The following SPAG16 variants were observed in gnomAD, a reference collection of about 807,000 sequenced individuals.
SPAG16 encodes the protein sperm-associated antigen 16 protein.
Under a neutral mutation model 80.4 loss-of-function variants are expected in SPAG16, and 86 were observed. The ratio of observed to expected loss-of-function variants is 1.07; its 90% CI spans 0.90 to 1.28. The LOEUF is 1.28. SPAG16 is among the 50% of genes most tolerant of loss of function. The pLI is 0.00. For missense variants in SPAG16, 870 were observed against 765.3 expected (o/e 1.14, Z -1.61); for synonymous variants, 294 against 265.9 (o/e 1.11, Z -1.03).
intron 15 of SPAG16, among the ~76,000 whole-genome samples, chr2:214,370,204 A>T: frequency 6.6e-6 from 1 of 152,084 alleles, no homozygotes; most frequent in East Asian, 1.9e-4. Flanking sequence ...TTCCACCACA[A>T]ATCTCTCCAT....
chr2:214,384,850 G>A (rs1243883668), intron 15 of SPAG16, among the ~76,000 whole-genome samples: 1 of 152,172 alleles, frequency 6.6e-6, no homozygotes, highest in Non-Finnish European at 1.5e-5. Flanking sequence ...ATACTATTGA[G>A]TCACTCGTCT....
intron 13 of SPAG16, among the ~76,000 whole-genome samples, chr2:214,018,152 TTCTACAAGTGAAATACGA>T (rs1375272812): frequency 2.6e-5 from 4 of 152,062 alleles, no homozygotes; most frequent in Admixed American, 1.3e-4. Context: ...TGATATAAAA[TTCTACAAGTGAAATACGA>T]TAATCCAAAA....
chr2:213,480,425 C>G (rs985085098), intron 9 of SPAG16, among the ~76,000 whole-genome samples: 2 of 152,196 alleles, frequency 1.3e-5, no homozygotes, highest in Non-Finnish European at 2.9e-5. Flanking sequence ...CAGATTAAAG[C>G]AGGGAAGAGA....
chr2:213,407,208 C>T (rs983391086), intron 9 of SPAG16, among the ~76,000 whole-genome samples: 5 of 152,076 alleles, frequency 3.3e-5, no homozygotes, highest in East Asian at 1.9e-4. Context: ...TCTACCTTGG[C>T]GGAGCGGCCA....
At chr2:213,834,645 G>C (rs1373116466) in intron 10 of SPAG16, among the ~76,000 whole-genome samples, 1 of 152,120 alleles carries the variant, frequency 6.6e-6, no homozygotes, top group Non-Finnish European at 1.5e-5. Context: ...CCTCAGGAGA[G>C]AGGAATTCTG....
intron 15 of SPAG16, among the ~76,000 whole-genome samples, chr2:214,309,927 G>A (rs942867938): frequency 2.0e-5 from 3 of 152,162 alleles, no homozygotes; most frequent in Non-Finnish European, 4.4e-5. Context: ...TTGCACTAGA[G>A]GTGATGTTGG....
At chr2:213,394,175 A>G (rs1321492423) in intron 9 of SPAG16, among the ~76,000 whole-genome samples, 1 of 152,054 alleles carries the variant, frequency 6.6e-6, no homozygotes, top group Non-Finnish European at 1.5e-5. Context: ...CTATGTTCAT[A>G]TCTTTTTTAG....
intron 10 of SPAG16, among the ~76,000 whole-genome samples, chr2:213,508,197 C>A (rs2075050274): frequency 6.6e-6 from 1 of 152,188 alleles, no homozygotes; most frequent in South Asian, 2.1e-4. Flanking sequence ...AGACTTGGAT[C>A]CAAGCCAAAT....
chr2:213,702,304 C>T (rs549094729), intron 10 of SPAG16, among the ~76,000 whole-genome samples: 1 of 152,218 alleles, frequency 6.6e-6, no homozygotes, highest in Non-Finnish European at 1.5e-5. Flanking sequence ...CCCGAGCCAG[C>T]TGCGGCAACC....
In SPAG16 at chr2:214,275,806, G is replaced by T. The variant is rs183549091; in HGVS notation, c.1720+126540G>T. 1.8e-3 allele frequency among the ~76,000 whole-genome samples: 269 copies of T among 152,232 alleles called. 7 individuals carry two copies. Among genetic ancestry groups the T allele is most frequent in the Admixed American group, 0.017 (254 of 15,294 alleles). On this transcript the variant is annotated intron_variant, in intron 15 of 15. Transcript: ENST00000331683. ...TAGAGAGTTCTGTAGATGTCTATTA[G>T]GTCCACTTGGTGCAAAGCTGAGTTC...
chr2:214,401,867 G>C (rs543325764), intron 15 of SPAG16, among the ~76,000 whole-genome samples: 1 of 151,892 alleles, frequency 6.6e-6, no homozygotes, highest in Non-Finnish European at 1.5e-5. Flanking sequence ...TATGTGTTAC[G>C]TGTTTAGACA....
chr2:214,049,124 T>C (rs2049501580), intron 13 of SPAG16, among the ~76,000 whole-genome samples: 1 of 152,138 alleles, frequency 6.6e-6, no homozygotes, highest in South Asian at 2.1e-4. Flanking sequence ...TTTCTAGAGA[T>C]GAGGTCTACT....
intron 9 of SPAG16, among the ~76,000 whole-genome samples, chr2:213,406,928 C>G (rs140565903): frequency 7.7e-6 from 1 of 130,438 alleles, no homozygotes; most frequent in Admixed American, 8.0e-5. Context: ...CTCTCAGCGA[C>G]GCGGATTTAA....
At chr2:213,759,335 A>ATG (rs1468425641) in intron 10 of SPAG16, among the ~76,000 whole-genome samples, 1 of 152,026 alleles carries the variant, frequency 6.6e-6, no homozygotes, top group Non-Finnish European at 1.5e-5. Flanking sequence ...AGGTTAATAT[A>ATG]TATATATTTA....
intron 13 of SPAG16, 34 bp from the exon 14 acceptor site, chr2:214,108,162 T>G (rs562442916): frequency 6.6e-7 from 1 of 1,509,926 alleles, no homozygotes; most frequent in African/African-American, 1.4e-5. Flanking sequence ...CCAAAAGAAA[T>G]TTATTTGACT....
intron 10 of SPAG16, among the ~76,000 whole-genome samples, chr2:213,654,540 C>CAAAAAAA (rs36009811): frequency 5.3e-5 from 3 of 56,734 alleles, no homozygotes; most frequent in Non-Finnish European, 6.9e-5. Flanking sequence ...ACTAAAAATA[C>CAAAAAAA]AAAAAAAAAA....
chr2:214,295,651 C>T (rs780197992), intron 15 of SPAG16, among the ~76,000 whole-genome samples: 8 of 152,012 alleles, frequency 5.3e-5, no homozygotes, highest in Non-Finnish European at 7.4e-5. Context: ...ATTAACCAGG[C>T]GTGGTGGCAC....
At chr2:213,567,564 A>G (rs2059818394) in intron 10 of SPAG16, among the ~76,000 whole-genome samples, 1 of 107,472 alleles carries the variant, frequency 9.3e-6, no homozygotes, top group Non-Finnish European at 1.8e-5. Flanking sequence ...ATATGAACTC[A>G]TCATTTTTTA....
At chr2:213,971,119 C>G (rs927209545) in intron 12 of SPAG16, among the ~76,000 whole-genome samples, 3 of 152,132 alleles carry the variant, frequency 2.0e-5, no homozygotes, top group African/African-American at 7.2e-5. Flanking sequence ...CATTCTTCCA[C>G]TAAAGTTATA....
Sources: allele counts gnomAD v4.1 joint callset (sites outside exome capture counted in the v4.1 genomes callset), GRCh38; gene constraint gnomAD v4.1.1; transcripts MANE v1.5; gene names NCBI Gene and HGNC (gene_info 2026-07-23, HGNC 2026-07-21).